STAG1: variants seen among roughly 807,000 people sequenced by gnomAD.
STAG1 encodes cohesin subunit SA-1.
Under a neutral mutation model 170.9 loss-of-function variants are expected in STAG1, and 26 were observed. The ratio of observed to expected loss-of-function variants is 0.15; its 90% CI spans 0.11 to 0.21. The LOEUF (loss-of-function observed/expected upper bound fraction) is 0.21, where lower values mean the gene tolerates loss of function less well. Among genes scored for constraint, STAG1 ranks in the 10% least tolerant of loss-of-function variants. The pLI is 1.00. For missense variants in STAG1, 964 were observed against 1,509.5 expected, an observed-to-expected ratio of 0.64 and a Z score of 5.99; for synonymous variants, 514 against 497.7, an observed-to-expected ratio of 1.03 and a Z score of -0.44.
chr3:136,471,940 C>T (rs149727339), intron 12 of STAG1, among the ~76,000 whole-genome samples: 9 of 152,204 alleles, frequency 5.9e-5, no homozygotes, highest in South Asian at 4.1e-4. Context: ...TGGGCTCAAG[C>T]GACCCTCCCA....
intron 23 of STAG1, among the ~76,000 whole-genome samples, chr3:136,377,010 C>A (rs1186630271): frequency 6.6e-6 from 1 of 151,112 alleles, no homozygotes; most frequent in Non-Finnish European, 1.5e-5. Flanking sequence ...ATCTCTTGAC[C>A]TTGTGATCTG....
intron 28 of STAG1, among the ~76,000 whole-genome samples, chr3:136,353,138 A>G (rs577171690): frequency 1.3e-5 from 2 of 152,330 alleles, no homozygotes; most frequent in African/African-American, 4.8e-5. Context: ...ACCACATTTG[A>G]CGATATATCA....
chr3:136,550,381 C>T (rs1401897820), intron 5 of STAG1, among the ~76,000 whole-genome samples: 1 of 151,678 alleles, frequency 6.6e-6, no homozygotes, highest in Non-Finnish European at 1.5e-5. Flanking sequence ...GATCTTGGCT[C>T]ACCGCAAGCT....
chr3:136,350,931 A>C (rs1936411874), intron 28 of STAG1, among the ~76,000 whole-genome samples: 1 of 152,202 alleles, frequency 6.6e-6, no homozygotes, highest in Non-Finnish European at 1.5e-5. Flanking sequence ...CCAGAGAAAG[A>C]GACAGCCAAG....
intron 3 of STAG1, among the ~76,000 whole-genome samples, chr3:136,608,559 A>G (rs763782608): frequency 2.5e-4 from 36 of 143,796 alleles, no homozygotes; most frequent in Non-Finnish European, 4.9e-4. Context: ...GCACACTGGT[A>G]ATACCAGCAC....
intron 1 of STAG1, among the ~76,000 whole-genome samples, chr3:136,704,655 C>T (rs2107911948): frequency 6.6e-6 from 1 of 151,406 alleles, no homozygotes; most frequent in African/African-American, 2.4e-5. Context: ...TAACAAAACT[C>T]CGTCTCTACC....
At chr3:136,386,552 A>T (rs985059894) in intron 22 of STAG1, among the ~76,000 whole-genome samples, 8 of 152,192 alleles carry the variant, frequency 5.3e-5, no homozygotes, top group South Asian at 2.1e-4. Context: ...AAACTGTATG[A>T]TTACAGTCAG....
chr3:136,452,879 T>C (rs2088986201), intron 13 of STAG1, among the ~76,000 whole-genome samples: 1 of 152,034 alleles, frequency 6.6e-6, no homozygotes, highest in Non-Finnish European at 1.5e-5. Flanking sequence ...AACCTCTGCC[T>C]CTCGGGTTCA....
Position 136,392,765 on chromosome 3 carries a change from C to CA in STAG1, c.2277+5983dup, listed in dbSNP as rs71157377. The stretch of plus-strand genomic sequence containing the variant: ...TGGGTGACAGAGCCAGGCTCCGTCT[C>CA]AAAAAAAAAAAAAAAAAAAAGAAAA... On this transcript the variant is annotated intron_variant, in intron 22 of 33. Transcript: ENST00000383202. 4.8e-3 allele frequency among the ~76,000 whole-genome samples: 445 copies of CA among 93,464 alleles called. 3 individuals carry two copies. The highest frequency in any genetic ancestry group is 0.013 in the East Asian group (40 of 3,130). The allele number at this position is 93,464 out of a possible 152,430, so 61.3% of individuals were successfully genotyped here.
chr3:136,407,088 G>A (rs981570290), intron 21 of STAG1, among the ~76,000 whole-genome samples: 6 of 152,026 alleles, frequency 3.9e-5, no homozygotes, highest in Non-Finnish European at 5.9e-5. Flanking sequence ...GCGCAGTTGC[G>A]CAATCTCAGC....
rs184386203 is a variant in STAG1, at chr3:136,447,886, G to A, written c.1428+4147C>T. On this transcript the variant is annotated intron_variant, in intron 14 of 33. Coordinates refer to ENST00000383202, the MANE Select transcript of STAG1 (RefSeq NM_005862.3). ...CCCGCCTCCACCTCCTAAAGTGCTG[G>A]GTTTACAGGCATGAGCCACCGCGCC... Among the ~76,000 whole-genome samples, 543 of 152,078 alleles carry A rather than the reference G, an allele frequency of 3.6e-3. 6 individuals carry two copies. Among genetic ancestry groups the A allele is most frequent in the African/African-American group, 0.012 (517 of 41,482 alleles).
chr3:136,368,568 T>C (rs1365902020), intron 24 of STAG1, among the ~76,000 whole-genome samples: 1 of 152,146 alleles, frequency 6.6e-6, no homozygotes, highest in African/African-American at 2.4e-5. Flanking sequence ...CATTTGTACA[T>C]GTGGCAAATG....
At chr3:136,431,251 A>C (rs1474383473) in intron 16 of STAG1, among the ~76,000 whole-genome samples, 1 of 151,158 alleles carries the variant, frequency 6.6e-6, no homozygotes, top group African/African-American at 2.4e-5. Context: ...TTATCACCTT[A>C]TGATATTCCT....
chr3:136,683,125 G>C (rs912125476), intron 1 of STAG1, among the ~76,000 whole-genome samples: 7 of 152,166 alleles, frequency 4.6e-5, no homozygotes, highest in African/African-American at 1.7e-4. Flanking sequence ...GAGAAAGTTA[G>C]TGTTTAACAG....
At chr3:136,671,263 A>C (rs534629382) in intron 1 of STAG1, among the ~76,000 whole-genome samples, 1 of 152,144 alleles carries the variant, frequency 6.6e-6, no homozygotes, top group East Asian at 1.9e-4. Context: ...CACCCTGGGC[A>C]ACAGAGCGAG....
Position 136,626,299 on chromosome 3 carries a change from G to A in STAG1, c.30-3051C>T, listed in dbSNP as rs141506653. ...AAATTATCCAGGCATGGTGGTGTGC[G>A]CCTATAGTCCCAGCTACTTGGGAGG... On this transcript the variant is annotated intron_variant, in intron 2 of 33. Coordinates refer to ENST00000383202, the MANE Select transcript of STAG1 (RefSeq NM_005862.3). Among the ~76,000 whole-genome samples, 1,440 of 151,526 alleles carry A rather than the reference G, an allele frequency of 9.5e-3. 26 individuals carry two copies. Among genetic ancestry groups the A allele is most frequent in the African/African-American group, 0.033 (1,375 of 41,340 alleles).
At chr3:136,465,106 C>T in intron 12 of STAG1, 118 bp from the exon 13 acceptor site, 1 of 607,632 alleles carries the variant, frequency 1.6e-6, no homozygotes, top group African/African-American at 1.9e-5. Flanking sequence ...GTTGTCTCAT[C>T]TTTTATCTTA....
At chr3:136,563,525 C>T (rs1297912694) in intron 5 of STAG1, among the ~76,000 whole-genome samples, 5 of 151,654 alleles carry the variant, frequency 3.3e-5, no homozygotes, top group Admixed American at 2.0e-4. Flanking sequence ...CACACACGCA[C>T]GCACGCACAA....
intron 10 of STAG1, among the ~76,000 whole-genome samples, chr3:136,475,197 A>G (rs1230242876): frequency 4.2e-5 from 5 of 119,934 alleles, no homozygotes; most frequent in Non-Finnish European, 7.9e-5. Flanking sequence ...CCCAGGCTGG[A>G]GTACAGTGGT....
Sources: allele counts gnomAD v4.1 joint callset (sites outside exome capture counted in the v4.1 genomes callset), GRCh38; gene constraint gnomAD v4.1.1; transcripts MANE v1.5; gene names NCBI Gene and HGNC (gene_info 2026-07-23, HGNC 2026-07-21).